The following SCAPER variants were observed in gnomAD, a reference collection of about 807,000 sequenced individuals.
The protein encoded by SCAPER is S phase cyclin A-associated protein in the endoplasmic reticulum.
SCAPER carries 98 observed loss-of-function variants against 182.2 expected under a neutral mutation model. The ratio of observed to expected loss-of-function variants is 0.54; its 90% confidence interval spans 0.46 to 0.64. SCAPER has a LOEUF of 0.64. Among genes scored for constraint, SCAPER ranks in the 30% least tolerant of loss-of-function variants. SCAPER has a pLI of 0.00. For missense variants in SCAPER, 1,432 were observed against 1,690.0 expected, an observed-to-expected ratio of 0.85 and a Z score of 2.68; for synonymous variants, 605 against 564.6, an observed-to-expected ratio of 1.07 and a Z score of -1.01.
At chr15:76,706,112 T>A in intron 17 of SCAPER, 128 bp from the exon 18 acceptor site, 1 of 559,608 alleles carries the variant, frequency 1.8e-6, no homozygotes, top group Non-Finnish European at 2.9e-6. Context: ...ATATTCTTCT[T>A]AAAGTGCCTA....
At chr15:76,748,134 G>T (rs928156391) in intron 15 of SCAPER, among the ~76,000 whole-genome samples, 1 of 151,956 alleles carries the variant, frequency 6.6e-6, no homozygotes. Flanking sequence ...GGGATTACAG[G>T]CATGCGCCAC....
chr15:76,470,488 G>C (rs2050060879), intron 25 of SCAPER, among the ~76,000 whole-genome samples: 4 of 152,134 alleles, frequency 2.6e-5, no homozygotes, highest in Admixed American at 2.6e-4. Context: ...AGAGTTACTA[G>C]AACTGTGTGC....
intron 22 of SCAPER, chr15:76,576,721 CAG>C (rs1206329195): frequency 6.6e-6 from 1 of 152,180 alleles, no homozygotes; most frequent in East Asian, 1.9e-4. Context: ...GTGGTGCAGA[CAG>C]AGAGTCTATG....
Position 76,775,266 on chromosome 15 carries a change from T to C in SCAPER, c.773-149A>G, listed in dbSNP as rs913362740. On this transcript the variant is annotated intron_variant, in intron 8 of 31. Transcript: ENST00000563290. ...GAGTATTATACAAAATGTATATTTG[T>C]ATATACATATTTAAATAAATGTATG... 3.8e-5 allele frequency: 25 copies of C among 664,500 alleles called. 1 individual carries two copies. In the East Asian group the frequency reaches 7.0e-4, roughly 19 times the overall value. The allele number at this position is 664,500 out of a possible 1,614,324, so 41.2% of individuals were successfully genotyped here.
At chr15:76,483,166 C>CAGA (rs1167171592) in intron 24 of SCAPER, among the ~76,000 whole-genome samples, 1 of 151,658 alleles carries the variant, frequency 6.6e-6, no homozygotes, top group African/African-American at 2.4e-5. Context: ...ATCAATGGAA[C>CAGA]AGAATAAGGG....
chr15:76,692,350 A>G (rs147168101), intron 20 of SCAPER, among the ~76,000 whole-genome samples: 1 of 152,338 alleles, frequency 6.6e-6, no homozygotes, highest in East Asian at 1.9e-4. Context: ...ACTTCCATTA[A>G]GTACTGAAAG....
intron 21 of SCAPER, among the ~76,000 whole-genome samples, chr15:76,629,457 T>C (rs765230342): frequency 3.3e-5 from 5 of 152,178 alleles, no homozygotes; most frequent in Non-Finnish European, 7.3e-5. Context: ...TTATTGAGAG[T>C]TTTTGACATG....
intron 26 of SCAPER, among the ~76,000 whole-genome samples, chr15:76,420,234 CCTT>C (rs1309610659): frequency 1.6e-5 from 2 of 125,456 alleles, no homozygotes; most frequent in Admixed American, 1.6e-4. Context: ...GATGTTTTTT[CCTT>C]TTTTTTTTTT....
intron 20 of SCAPER, among the ~76,000 whole-genome samples, chr15:76,690,903 C>A (rs1233183053): frequency 6.6e-5 from 10 of 151,716 alleles, no homozygotes; most frequent in Non-Finnish European, 1.0e-4. Context: ...TAAAAAACTT[C>A]TAAGTGAAAT....
chr15:76,829,113 C>T (rs944231638), intron 5 of SCAPER, among the ~76,000 whole-genome samples: 4 of 152,160 alleles, frequency 2.6e-5, no homozygotes, highest in African/African-American at 7.2e-5. Flanking sequence ...CCATGAAATA[C>T]TACTCAGCCA....
Position 76,676,161 on chromosome 15 carries a change from A to G in SCAPER, c.2509-10372T>C, listed in dbSNP as rs16968419. ...TCTTAATTTCTTCTTCTCCCTACTC[A>G]TTGCTTGAGATTCCTGCTGTGATTT... is the stretch of plus-strand genomic sequence containing the variant. On this transcript the variant is annotated intron_variant, in intron 20 of 31. Coordinates refer to ENST00000563290, the MANE Select transcript of SCAPER (RefSeq NM_020843.4). Among the ~76,000 whole-genome samples, 530 of 151,994 alleles carry G rather than the reference A, an allele frequency of 3.5e-3. 4 individuals are homozygous for G. The highest frequency in any genetic ancestry group is 0.012 in the African/African-American group (492 of 41,428).
rs551833012 is a variant in SCAPER, at chr15:76,407,978, A to C, written c.3312-3299T>G. ...TCTATCTCTAAAAAAAATCACTTAA[A>C]AAAAACAAAACCACAACATCATTAT... On this transcript the variant is annotated intron_variant, in intron 26 of 31. Coordinates refer to ENST00000563290, the MANE Select transcript of SCAPER (RefSeq NM_020843.4). Among the ~76,000 whole-genome samples the C allele has an allele frequency of 2.0e-5, 3 of 152,328 alleles. No homozygotes were observed. In the South Asian group the frequency reaches 6.2e-4, roughly 32 times the overall value.
At chr15:76,760,754 T>A (rs969559224) in intron 14 of SCAPER, among the ~76,000 whole-genome samples, 1 of 152,198 alleles carries the variant, frequency 6.6e-6, no homozygotes, top group Non-Finnish European at 1.5e-5. Flanking sequence ...AGAAGTTATC[T>A]GTTGGGAACC....
chr15:76,857,891 G>A lies in SCAPER; in HGVS notation c.125-12C>T, dbSNP rs200984978. 37 of 1,526,152 alleles carry A rather than the reference G, an allele frequency of 2.4e-5. No individual in the cohort carries two copies. The highest frequency in any genetic ancestry group is 2.7e-5 in the Non-Finnish European group (30 of 1,127,824). 94.5% of individuals were successfully genotyped at this position (1,526,152 alleles called of 1,614,324 possible). ...ACATTTAGGTTTTCCTTCAAGGCAA[G>A]AAAAAAATAAATATGTAGATATACA... On this transcript the variant is annotated splice_polypyrimidine_tract_variant and intron_variant, in intron 3 of 31. Transcript: ENST00000563290.
chr15:76,457,978 G>GTA (rs1356996583), intron 25 of SCAPER, among the ~76,000 whole-genome samples: 1 of 151,672 alleles, frequency 6.6e-6, no homozygotes, highest in African/African-American at 2.4e-5. Flanking sequence ...TCTCGGAGGT[G>GTA]TATATATATT....
At chr15:76,845,276 G>A (rs2069950278) in intron 4 of SCAPER, among the ~76,000 whole-genome samples, 1 of 152,044 alleles carries the variant, frequency 6.6e-6, no homozygotes, top group Admixed American at 6.6e-5. Context: ...ACTGAATGTG[G>A]AAAAACTGAA....
At chr15:76,680,402 G>A (rs1351875545) in intron 20 of SCAPER, among the ~76,000 whole-genome samples, 1 of 120,466 alleles carries the variant, frequency 8.3e-6, no homozygotes, top group East Asian at 2.5e-4. Flanking sequence ...ATTTCATGAT[G>A]ATGATGATGA....
rs754689239 is a variant in SCAPER, at chr15:76,434,215, A to G, written c.3174T>C (p.Ala1058=). The G allele has an allele frequency of 5.6e-6, 9 of 1,613,874 alleles. No individual in the cohort carries two copies. In the South Asian group the frequency reaches 8.8e-5, roughly 16 times the overall value. ...GLTTGLLKVS[A]VVLGCLIANR... is the part of the protein sequence containing the mutation. Reference sequence around the variant, plus strand: ...TGGCAATCAGGCAGCCCAAAACCACAGCACTGACTTTGAGAAGTCCAGTTG... The same window carrying G: ...TGGCAATCAGGCAGCCCAAAACCACGGCACTGACTTTGAGAAGTCCAGTTG... Residue 1058 remains alanine (A), a synonymous_variant, in exon 26 of 32, where the codon GCT becomes GCC. Transcript: ENST00000563290.
chr15:76,852,160 C>A (rs1039882968), intron 4 of SCAPER, among the ~76,000 whole-genome samples: 2 of 152,130 alleles, frequency 1.3e-5, no homozygotes, highest in Non-Finnish European at 2.9e-5. Flanking sequence ...TATATATGCA[C>A]CCAACACAGG....
Sources: gnomAD v4.1 joint callset for allele counts (sites outside exome capture counted in the v4.1 genomes callset) on GRCh38, gnomAD v4.1.1 for gene constraint, MANE v1.5 for transcripts, NCBI Gene and HGNC (gene_info 2026-07-23, HGNC 2026-07-21) for gene names.